The following RPS6KC1 variants were observed in gnomAD, a reference collection of about 807,000 sequenced individuals.
RPS6KC1 encodes inactive ribosomal protein S6 kinase delta-1.
Under a neutral mutation model 103.8 loss-of-function variants are expected in RPS6KC1, and 54 were observed. The observed-to-expected ratio is 0.52, with a 90% CI of 0.42 to 0.65. The LOEUF (loss-of-function observed/expected upper bound fraction) is 0.65, where lower values mean the gene tolerates loss of function less well. RPS6KC1 is among the 30% of genes least tolerant of loss of function. The probability of loss-of-function intolerance (pLI) is 0.00; values close to 1 mark genes in which losing one functional copy is unlikely to be tolerated. For missense variants in RPS6KC1, 1,151 were observed against 1,253.8 expected, an observed-to-expected ratio of 0.92 and a Z score of 1.24; for synonymous variants, 439 against 438.7, an observed-to-expected ratio of 1.00 and a Z score of -0.01.
the RPS6KC1 span, among the ~76,000 whole-genome samples, chr1:213,691,323 ATCT>A: frequency 3.3e-5 from 5 of 152,186 alleles, no homozygotes; most frequent in African/African-American, 1.2e-4. Context: ...CTGTCCTCTT[ATCT>A]TCTTGCTTTT....
the RPS6KC1 span, among the ~76,000 whole-genome samples, chr1:213,595,186 C>T: frequency 6.6e-6 from 1 of 152,148 alleles, no homozygotes; most frequent in Non-Finnish European, 1.5e-5. Flanking sequence ...AGGTAAACGC[C>T]ACCATTATCT....
At chr1:213,567,158 G>A in the RPS6KC1 span, among the ~76,000 whole-genome samples, 1 of 152,156 alleles carries the variant, frequency 6.6e-6, no homozygotes, top group Non-Finnish European at 1.5e-5. Flanking sequence ...AAGCCCATAT[G>A]AAGTCACACC....
chr1:213,144,502 C>T (rs1243464650), intron 6 of RPS6KC1, among the ~76,000 whole-genome samples: 1 of 151,974 alleles, frequency 6.6e-6, no homozygotes, highest in African/African-American at 2.4e-5. Context: ...GTACTCCAGC[C>T]CCAGCCTCCC....
At chr1:213,319,405 G>A in the RPS6KC1 span, among the ~76,000 whole-genome samples, 1 of 151,572 alleles carries the variant, frequency 6.6e-6, no homozygotes, top group Non-Finnish European at 1.5e-5. Context: ...AGACAGAGTA[G>A]GCAAGGAAGA....
At chr1:213,513,705 G>C in the RPS6KC1 span, among the ~76,000 whole-genome samples, 1 of 152,072 alleles carries the variant, frequency 6.6e-6, no homozygotes, top group East Asian at 1.9e-4. Context: ...TAGCAGAGGA[G>C]GATAAATACA....
chr1:213,219,328 A>C (rs1021037820), intron 8 of RPS6KC1, among the ~76,000 whole-genome samples: 1 of 152,250 alleles, frequency 6.6e-6, no homozygotes, highest in South Asian at 2.1e-4. Context: ...CACACCAGTT[A>C]CAATGGCGAT....
the RPS6KC1 span, chr1:213,817,964 T>C: frequency 6.6e-6 from 1 of 152,214 alleles, no homozygotes; most frequent in Non-Finnish European, 1.5e-5. Flanking sequence ...CTGTATCTGT[T>C]ATGGCAATCT....
At chr1:213,704,878 T>TA in the RPS6KC1 span, among the ~76,000 whole-genome samples, 1 of 152,266 alleles carries the variant, frequency 6.6e-6, no homozygotes, top group Non-Finnish European at 1.5e-5. Flanking sequence ...CTTGTAGAGA[T>TA]ACTGTCTTAA....
At chr1:213,407,918 T>A in the RPS6KC1 span, among the ~76,000 whole-genome samples, 8 of 152,246 alleles carry the variant, frequency 5.3e-5, no homozygotes, top group African/African-American at 1.7e-4. Flanking sequence ...TTGCTCATGG[T>A]TGTATACGTG....
In RPS6KC1 at chr1:213,201,327, A is replaced by G. The variant is rs11810436; in HGVS notation, c.1044+24835A>G. 4.4e-3 allele frequency among the ~76,000 whole-genome samples: 668 copies of G among 152,350 alleles called. 4 individuals carry two copies. The highest frequency in any genetic ancestry group is 0.015 in the African/African-American group (644 of 41,586). On this transcript the variant is annotated intron_variant, in intron 8 of 14. Coordinates refer to ENST00000366960, the MANE Select transcript of RPS6KC1 (RefSeq NM_012424.6). ...TAAGACATGGAGAAACCTTAAATGCATATTACTAATTGAAAGATGACAACA... is the reference window on the plus strand; with the variant it reads ...TAAGACATGGAGAAACCTTAAATGCGTATTACTAATTGAAAGATGACAACA...
At chr1:213,585,846 A>G in the RPS6KC1 span, among the ~76,000 whole-genome samples, 3 of 152,068 alleles carry the variant, frequency 2.0e-5, no homozygotes, top group Non-Finnish European at 2.9e-5. Context: ...ATGCAAACAA[A>G]GACTGGGTGC....
At chr1:213,172,679 G>A (rs992861939) in intron 7 of RPS6KC1, among the ~76,000 whole-genome samples, 2 of 152,084 alleles carry the variant, frequency 1.3e-5, no homozygotes, top group Admixed American at 1.3e-4. Flanking sequence ...GCATTGTATT[G>A]AGAAGAGTTG....
intron 3 of RPS6KC1, among the ~76,000 whole-genome samples, chr1:213,098,339 A>G (rs996580799): frequency 5.2e-5 from 7 of 135,406 alleles, no homozygotes; most frequent in African/African-American, 2.0e-4. Context: ...ACGGGGTTTC[A>G]CCATGTTACT....
chr1:213,590,328 G>C, the RPS6KC1 span, among the ~76,000 whole-genome samples: 2 of 152,120 alleles, frequency 1.3e-5, no homozygotes, highest in Non-Finnish European at 2.9e-5. Flanking sequence ...CCTGGATGAA[G>C]GTGGAAGCCA....
At chr1:213,536,323 C>T in the RPS6KC1 span, among the ~76,000 whole-genome samples, 1 of 152,274 alleles carries the variant, frequency 6.6e-6, no homozygotes, top group Non-Finnish European at 1.5e-5. Flanking sequence ...TCTGGGGGCT[C>T]AGTGTTATTC....
the RPS6KC1 span, among the ~76,000 whole-genome samples, chr1:213,596,766 T>C: frequency 1.3e-5 from 2 of 152,282 alleles, no homozygotes; most frequent in African/African-American, 4.8e-5. Flanking sequence ...TTGGCTCTGT[T>C]CATTATTTAC....
intron 8 of RPS6KC1, among the ~76,000 whole-genome samples, chr1:213,204,421 G>A (rs2093274552): frequency 6.6e-6 from 1 of 151,838 alleles, no homozygotes; most frequent in Non-Finnish European, 1.5e-5. Flanking sequence ...ATAACTTTTT[G>A]TATCCTTTAT....
At chr1:213,635,310 A>G in the RPS6KC1 span, among the ~76,000 whole-genome samples, 2 of 152,228 alleles carry the variant, frequency 1.3e-5, no homozygotes, top group African/African-American at 4.8e-5. Flanking sequence ...CCTGGCAGAG[A>G]CACAACAAAA....
chr1:213,274,191 C>G lies in RPS6KC1; in HGVS notation c.*1557C>G, dbSNP rs2095098436. 6.6e-6 allele frequency: 1 copy of G among 152,170 alleles called. No homozygotes were observed. The highest frequency in any genetic ancestry group is 1.5e-5 in the Non-Finnish European group (1 of 68,042). 9.4% of individuals were successfully genotyped at this position (152,170 alleles called of 1,614,324 possible). ...CAGGTCACCAGGATCATAGTTCAGT[C>G]AAAATGACATCACTCCCTGGAACTA... On this transcript the variant is annotated 3_prime_UTR_variant, in exon 15 of 15. Transcript: ENST00000366960.
Sources: gnomAD v4.1 joint callset for allele counts (sites outside exome capture counted in the v4.1 genomes callset) on GRCh38, gnomAD v4.1.1 for gene constraint, MANE v1.5 for transcripts, NCBI Gene and HGNC (gene_info 2026-07-23, HGNC 2026-07-21) for gene names.